The following ARHGAP10 variants were observed in gnomAD, a reference collection of about 807,000 sequenced individuals.
ARHGAP10 encodes rho GTPase-activating protein 10.
Under a neutral mutation model 108.6 loss-of-function variants are expected in ARHGAP10, and 87 were observed. The observed-to-expected ratio is 0.80, with a 90% confidence interval of 0.67 to 0.96. The LOEUF is 0.96. ARHGAP10 is among the 40% of genes least tolerant of loss of function. The pLI is 0.00. For missense variants in ARHGAP10, 939 were observed against 954.5 expected (o/e 0.98, Z 0.21); for synonymous variants, 347 against 341.1 (o/e 1.02, Z -0.19).
At chr4:147,935,308 G>A (rs1276055616) in intron 13 of ARHGAP10, among the ~76,000 whole-genome samples, 2 of 152,098 alleles carry the variant, frequency 1.3e-5, no homozygotes, top group African/African-American at 2.4e-5. Context: ...GGGGATCCAG[G>A]GGACATTAGA....
rs537953772 is a variant in ARHGAP10 at position 147,759,590 on chromosome 4, C to T, written c.154+27135C>T. On this transcript the variant is annotated intron_variant, in intron 1 of 22. Transcript: ENST00000336498. ...GCATAGTGATACACCGCCCCCCCCCCCCTTTAAAAAGGAAACAGGTGACAT... is the reference window on the plus strand; with the variant it reads ...GCATAGTGATACACCGCCCCCCCCCTCCTTTAAAAAGGAAACAGGTGACAT... Among the ~76,000 whole-genome samples, 1,060 of 151,716 alleles carry T rather than the reference C, an allele frequency of 7.0e-3. 22 individuals carry two copies. The highest frequency in any genetic ancestry group is 0.024 in the African/African-American group (972 of 41,302).
At chr4:148,040,394 T>A (rs1186010709) in intron 19 of ARHGAP10, among the ~76,000 whole-genome samples, 1 of 152,148 alleles carries the variant, frequency 6.6e-6, no homozygotes, top group African/African-American at 2.4e-5. Flanking sequence ...CAGGCTGGAG[T>A]ACAGTCATGC....
At chr4:147,916,720 A>G (rs1469975422) in intron 13 of ARHGAP10, 1 of 152,264 alleles carries the variant, frequency 6.6e-6, no homozygotes, top group African/African-American at 2.4e-5. Context: ...GTGATTCCAA[A>G]AGTCCACATC....
At chr4:147,873,434 A>T (rs1734920677) in intron 7 of ARHGAP10, among the ~76,000 whole-genome samples, 1 of 151,960 alleles carries the variant, frequency 6.6e-6, no homozygotes, top group African/African-American at 2.4e-5. Context: ...TATATATATT[A>T]TACACACATG....
chr4:148,060,673 G>A (rs1388279655), intron 20 of ARHGAP10, among the ~76,000 whole-genome samples: 1 of 152,168 alleles, frequency 6.6e-6, no homozygotes, highest in Non-Finnish European at 1.5e-5. Flanking sequence ...GCCCCGTCTT[G>A]TGAATATTCC....
intron 13 of ARHGAP10, chr4:147,916,985 T>C (rs555316173): frequency 6.6e-6 from 1 of 152,302 alleles, no homozygotes; most frequent in African/African-American, 2.4e-5. Context: ...ACAGATTATG[T>C]GTTTGAATCT....
At chr4:147,867,127 T>C (rs1378399004) in intron 7 of ARHGAP10, among the ~76,000 whole-genome samples, 1 of 152,210 alleles carries the variant, frequency 6.6e-6, no homozygotes, top group African/African-American at 2.4e-5. Flanking sequence ...CTTTAAGGCA[T>C]TGAATTTATA....
chr4:147,851,427 G>T (rs1733873661), intron 4 of ARHGAP10, among the ~76,000 whole-genome samples: 1 of 152,050 alleles, frequency 6.6e-6, no homozygotes, highest in Non-Finnish European at 1.5e-5. Context: ...TGCCCAGGCT[G>T]GTCTTGAACT....
At chr4:148,008,272 A>C (rs1741027509) in intron 18 of ARHGAP10, among the ~76,000 whole-genome samples, 1 of 152,124 alleles carries the variant, frequency 6.6e-6, no homozygotes, top group Non-Finnish European at 1.5e-5. Flanking sequence ...CTTGCTCAGG[A>C]AATTAATCAG....
At chr4:147,963,474 A>G (rs1274897943) in intron 16 of ARHGAP10, among the ~76,000 whole-genome samples, 3 of 152,224 alleles carry the variant, frequency 2.0e-5, no homozygotes, top group African/African-American at 7.2e-5. Context: ...ACGCCTGTGA[A>G]AACTAGCAAA....
At chr4:147,811,471 C>T (rs1732016003) in intron 1 of ARHGAP10, among the ~76,000 whole-genome samples, 1 of 152,154 alleles carries the variant, frequency 6.6e-6, no homozygotes, top group Non-Finnish European at 1.5e-5. Context: ...CCACATTATC[C>T]TGCAGCCCTG....
chr4:147,956,862 A>G (rs765841424), intron 16 of ARHGAP10, among the ~76,000 whole-genome samples: 1 of 152,024 alleles, frequency 6.6e-6, no homozygotes, highest in South Asian at 2.1e-4. Flanking sequence ...ATTACGCCCC[A>G]TAACTGATGG....
chr4:147,803,255 C>T (rs528404540), intron 1 of ARHGAP10, among the ~76,000 whole-genome samples: 4 of 152,258 alleles, frequency 2.6e-5, no homozygotes, highest in African/African-American at 4.8e-5. Context: ...GTGATTCACC[C>T]GCCTTGGCCT....
intron 3 of ARHGAP10, among the ~76,000 whole-genome samples, chr4:147,843,260 T>C (rs1040301070): frequency 1.3e-5 from 2 of 152,204 alleles, no homozygotes; most frequent in African/African-American, 4.8e-5. Context: ...CATTTAGACA[T>C]GCTCTCATCT....
chr4:147,775,582 C>G (rs1195777827), intron 1 of ARHGAP10, among the ~76,000 whole-genome samples: 3 of 152,156 alleles, frequency 2.0e-5, no homozygotes, highest in Non-Finnish European at 4.4e-5. Flanking sequence ...ACCCCTGGTC[C>G]TTGTTTCCTT....
At chr4:147,857,413 G>A (rs1479711525) in intron 4 of ARHGAP10, 140 bp from the exon 5 acceptor site, 3 of 830,048 alleles carry the variant, frequency 3.6e-6, no homozygotes, top group Non-Finnish European at 4.9e-6. Flanking sequence ...GTACAGATAT[G>A]TTTTTTTAGA....
intron 7 of ARHGAP10, among the ~76,000 whole-genome samples, chr4:147,871,022 C>T (rs985739052): frequency 2.0e-5 from 3 of 151,186 alleles, no homozygotes; most frequent in Non-Finnish European, 2.9e-5. Flanking sequence ...TGCTGTGGCC[C>T]AGTCTCGGCT....
chr4:148,012,583 T>C (rs1741208186), intron 18 of ARHGAP10, among the ~76,000 whole-genome samples: 1 of 152,216 alleles, frequency 6.6e-6, no homozygotes. Context: ...TAGAAACATT[T>C]CGGTTGGATG....
intron 16 of ARHGAP10, among the ~76,000 whole-genome samples, chr4:147,959,759 G>T (rs1376755039): frequency 6.6e-6 from 1 of 152,090 alleles, no homozygotes; most frequent in Non-Finnish European, 1.5e-5. Context: ...TCTTAATCCA[G>T]GTTTTGACTC....
Sources: gnomAD v4.1 joint callset for allele counts (sites outside exome capture counted in the v4.1 genomes callset) on GRCh38, gnomAD v4.1.1 for gene constraint, MANE v1.5 for transcripts, NCBI Gene and HGNC (gene_info 2026-07-23, HGNC 2026-07-21) for gene names.